ARHGEF12: variants seen among roughly 807,000 people sequenced by gnomAD.
The protein encoded by ARHGEF12 is Rho guanine nucleotide exchange factor 12.
ARHGEF12 carries 66 observed loss-of-function variants against 211.2 expected under a neutral mutation model. That is an observed-to-expected ratio of 0.31 (90% CI 0.26 to 0.38). The LOEUF (loss-of-function observed/expected upper bound fraction) is 0.38, where lower values mean the gene tolerates loss of function less well. Ranked by LOEUF, ARHGEF12 falls within the 10% of genes least tolerant of loss-of-function variation. The probability of loss-of-function intolerance (pLI) is 1.00; values close to 1 mark genes in which losing one functional copy is unlikely to be tolerated. For synonymous variants in ARHGEF12, 592 were observed against 638.4 expected (o/e 0.93, Z 1.09); for missense variants, 1,429 against 1,869.5 (o/e 0.76, Z 4.34).
chr11:120,441,975 T>G, intron 14 of ARHGEF12, 129 bp from the exon 15 acceptor site: 1 of 863,860 alleles, frequency 1.2e-6, no homozygotes, highest in East Asian at 2.6e-5. Flanking sequence ...AAAGACTTGG[T>G]TATATAGTAA....
chr11:120,427,788 GA>G (rs1403508400), intron 7 of ARHGEF12, among the ~76,000 whole-genome samples: 1 of 151,880 alleles, frequency 6.6e-6, no homozygotes, highest in African/African-American at 2.4e-5. Context: ...TATATTCTTG[GA>G]GTTATAAATT....
chr11:120,406,584 G>T (rs767318716), intron 2 of ARHGEF12, among the ~76,000 whole-genome samples: 1 of 151,666 alleles, frequency 6.6e-6, no homozygotes, highest in Non-Finnish European at 1.5e-5. Context: ...TTTGAGATGG[G>T]ATCTCACTCT....
At chr11:120,465,046 A>T in intron 27 of ARHGEF12, 191 bp from the exon 28 acceptor site, 1 of 647,762 alleles carries the variant, frequency 1.5e-6, no homozygotes, top group Non-Finnish European at 2.6e-6. Context: ...TTGGAATATG[A>T]TCAGAAAAGG....
chr11:120,472,996 G>A, intron 30 of ARHGEF12, 54 bp from the exon 31 acceptor site: 1 of 1,496,874 alleles, frequency 6.7e-7, no homozygotes, highest in South Asian at 1.1e-5. Context: ...CAGAAATAGA[G>A]AGGTCATTAA....
At position 120,448,122 on chromosome 11, in the gene ARHGEF12, T is replaced by C. The variant is rs1591604821; in HGVS notation, c.1623-112T>C. ...GACTAGTTAGTTCTTTAGTGTTTGT[T>C]TGATTTATTTCAATAATTCCAACCT... On this transcript the variant is annotated intron_variant, in intron 19 of 40. Coordinates refer to ENST00000397843, the MANE Select transcript of ARHGEF12 (RefSeq NM_015313.3). 3 of 859,968 alleles carry C rather than the reference T, an allele frequency of 3.5e-6. No homozygotes were observed. The African/African-American group carries it at 5.1e-5, about 15-fold the overall frequency. The allele number at this position is 859,968 out of a possible 1,614,324, so 53.3% of individuals were successfully genotyped here.
chr11:120,348,114 G>C (rs1028707414), intron 1 of ARHGEF12, among the ~76,000 whole-genome samples: 1 of 152,038 alleles, frequency 6.6e-6, no homozygotes, highest in Non-Finnish European at 1.5e-5. Flanking sequence ...TCATTTCAGA[G>C]TCCATGTAGG....
At chr11:120,359,461 C>G (rs1943221230) in intron 1 of ARHGEF12, among the ~76,000 whole-genome samples, 1 of 151,928 alleles carries the variant, frequency 6.6e-6, no homozygotes, top group Non-Finnish European at 1.5e-5. Flanking sequence ...AGGCTGGCCT[C>G]AAATTCCTCG....
Position 120,336,783 on chromosome 11 carries a change from G to A in ARHGEF12, c.-461G>A, listed in dbSNP as rs1460499620. 1 of 284,378 alleles carries A rather than the reference G, an allele frequency of 3.5e-6. No homozygotes were observed. The highest frequency in any genetic ancestry group is 6.5e-6 in the Non-Finnish European group (1 of 152,732). 17.6% of individuals were successfully genotyped at this position (284,378 alleles called of 1,614,324 possible). ...GCCAACGCTGCGGCCACGAGCAGCC[G>A]GCAGCCCCAGATAGAGAGCCGGGAG... is the stretch of plus-strand genomic sequence containing the variant. On this transcript the variant is annotated 5_prime_UTR_variant, in exon 1 of 41. Transcript: ENST00000397843.
Position 120,374,182 on chromosome 11 carries a change from C to T in ARHGEF12, c.33-31936C>T, listed in dbSNP as rs7126692. The stretch of plus-strand genomic sequence containing the variant: ...GGCTGGTTAACCAAGCATGGTTCCT[C>T]CTGTTTCCTTTCCCTATGATCATTT... On this transcript the variant is annotated intron_variant, in intron 1 of 40. Transcript: ENST00000397843. Among the ~76,000 whole-genome samples the T allele has an allele frequency of 1.9e-3, 296 of 152,272 alleles. 2 individuals carry two copies. The highest frequency in any genetic ancestry group is 6.7e-3 in the African/African-American group (280 of 41,556).
At position 120,429,787 on chromosome 11, in the gene ARHGEF12, C is replaced by G. The variant is rs747069086; in HGVS notation, c.739C>G (p.Pro247Ala). 13 of 1,613,730 alleles carry G rather than the reference C, an allele frequency of 8.1e-6. No homozygotes were observed. The highest frequency in any genetic ancestry group is 1.1e-5 in the Non-Finnish European group (13 of 1,179,828). Residue 247 changes from proline (P) to alanine (A), a missense_variant, in exon 10 of 41, where the codon CCT (proline) becomes GCT (alanine). By Grantham distance (27) the Pro-to-Ala change is conservative (BLOSUM62 -1). This residue lies in a region of ARHGEF12 where 254 missense variants were observed against 286.4 expected (regional missense o/e 0.89). Transcript: ENST00000397843. ...KEIQEAKKHI[P>A]QLQEQLSKAT... ...GATCCAAGAGGCCAAGAAACACATT[C>G]CTCAGCTGCAAGAGCAGTTATCCAA... is the stretch of plus-strand genomic sequence containing the variant.
intron 1 of ARHGEF12, among the ~76,000 whole-genome samples, chr11:120,398,578 T>TTG (rs1005525552): frequency 2.0e-5 from 3 of 152,110 alleles, no homozygotes; most frequent in Non-Finnish European, 2.9e-5. Context: ...TGTGTTTTTT[T>TTG]TGTGTGTGTG....
At chr11:120,484,319 T>C (rs141469382) in intron 39 of ARHGEF12, 119 bp from the exon 40 acceptor site, 8,103 of 756,934 alleles carry the variant, frequency 0.011, 65 homozygotes, top group Non-Finnish European at 0.013. Context: ...GTTAATATTT[T>C]TGAAATTTGG....
intron 10 of ARHGEF12, among the ~76,000 whole-genome samples, chr11:120,430,825 A>C (rs1327631335): frequency 6.6e-6 from 1 of 152,198 alleles, no homozygotes; most frequent in Non-Finnish European, 1.5e-5. Context: ...ACAGTATGTA[A>C]GGTCCCCTGA....
chr11:120,452,824 G>A (rs1244039273), intron 22 of ARHGEF12, among the ~76,000 whole-genome samples: 2 of 151,682 alleles, frequency 1.3e-5, no homozygotes, highest in Non-Finnish European at 2.9e-5. Context: ...GGTGAAACCC[G>A]GTCTCTACTA....
chr11:120,352,201 A>G (rs567212026), intron 1 of ARHGEF12, among the ~76,000 whole-genome samples: 2 of 152,172 alleles, frequency 1.3e-5, no homozygotes, highest in African/African-American at 2.4e-5. Context: ...CATTTGCTCT[A>G]AAGAGTGAAC....
intron 28 of ARHGEF12, among the ~76,000 whole-genome samples, chr11:120,465,905 T>C (rs1220908519): frequency 6.6e-6 from 1 of 152,232 alleles, no homozygotes; most frequent in Non-Finnish European, 1.5e-5. Flanking sequence ...CACGAGGCTT[T>C]TATCAGTAAA....
Position 120,487,142 on chromosome 11 carries a change from T to G in ARHGEF12, c.*2065T>G, listed in dbSNP as rs1947417582. On this transcript the variant is annotated 3_prime_UTR_variant, in exon 41 of 41. Transcript: ENST00000397843. The stretch of plus-strand genomic sequence containing the variant: ...AAAGTAAATATAAAAACTTTGCTCT[T>G]AACGTCACACACTACAGGGTAATTA... 9.2e-6 allele frequency: 2 copies of G among 217,976 alleles called. No individual in the cohort carries two copies. Among genetic ancestry groups the G allele is most frequent in the South Asian group, 3.7e-4 (2 of 5,366 alleles). The allele number at this position is 217,976 out of a possible 1,614,324, so 13.5% of individuals were successfully genotyped here.
In ARHGEF12 at chr11:120,441,717, A is replaced by G. The variant is rs1165743344; in HGVS notation, c.1103A>G (p.Gln368Arg). The change falls in exon 14 of 41, where the codon CAG (glutamine) becomes CGG (arginine). Residue 368 changes from glutamine (Q) to arginine (R), a missense_variant. Coordinates refer to ENST00000397843, the MANE Select transcript of ARHGEF12 (RefSeq NM_015313.3). ...FGTEHEQING[Q>R]CSCFQSIELL... The stretch of plus-strand genomic sequence containing the variant: ...CATTTCTTCCTCTAGATCAATGGAC[A>G]GTGCAGCTGTTTCCAGAGCATTGAA... 3 of 1,613,276 alleles carry G rather than the reference A, an allele frequency of 1.9e-6. No homozygotes were observed. The highest frequency in any genetic ancestry group is 2.2e-5 in the East Asian group (1 of 44,874).
rs761038474 is a variant in ARHGEF12 at position 120,477,494 on chromosome 11, A to G, written c.3500A>G (p.His1167Arg). 9 of 1,611,888 alleles carry G rather than the reference A, an allele frequency of 5.6e-6. No individual in the cohort carries two copies. The highest frequency in any genetic ancestry group is 1.3e-5 in the African/African-American group (1 of 74,516). ...EDPSKLKEEQ[H>R]GISVTGLQSP... Reference sequence around the variant, plus strand: ...CCTTCAAAATTAAAAGAGGAGCAGCATGGCATTTCAGTCACTGGTTTGCAG... The same window carrying G: ...CCTTCAAAATTAAAAGAGGAGCAGCGTGGCATTTCAGTCACTGGTTTGCAG... The change falls in exon 36 of 41, where the codon CAT becomes CGT. Residue 1167 changes from histidine (H) to arginine (R), a missense_variant. Physicochemically the swap from His to Arg is conservative, Grantham distance 29 (BLOSUM62 0). Coordinates refer to ENST00000397843, the MANE Select transcript of ARHGEF12 (RefSeq NM_015313.3).
Sources: gnomAD v4.1 joint callset for allele counts (sites outside exome capture counted in the v4.1 genomes callset) on GRCh38, gnomAD v4.1.1 for gene constraint, gnomAD v4.1.1 regional missense constraint, MANE v1.5 for transcripts, NCBI Gene and HGNC (gene_info 2026-07-23, HGNC 2026-07-21) for gene names.